The following LRBA variants were observed in gnomAD, a reference collection of about 807,000 sequenced individuals.
LRBA encodes the protein lipopolysaccharide-responsive and beige-like anchor protein.
A neutral mutation model predicts 330.0 loss-of-function variants in LRBA; 176 were observed. That is an observed-to-expected ratio of 0.53 (90% CI 0.47 to 0.60). The LOEUF (loss-of-function observed/expected upper bound fraction) is 0.60, where lower values mean the gene tolerates loss of function less well. Among genes scored for constraint, LRBA ranks in the 20% least tolerant of loss-of-function variants. The pLI is 0.00. For missense variants in LRBA, 3,259 were observed against 3,444.8 expected (o/e 0.95, Z 1.35); for synonymous variants, 1,230 against 1,193.0 (o/e 1.03, Z -0.64).
chr4:150,332,957 G>T (rs977443826), intron 48 of LRBA, among the ~76,000 whole-genome samples: 1 of 152,088 alleles, frequency 6.6e-6, no homozygotes, highest in Non-Finnish European at 1.5e-5. Context: ...GTTTTTGTGT[G>T]TGCCAACTAT....
rs1471877469 is a variant in LRBA, at chr4:150,373,273, A to AT, written c.7195-23115_7195-23114insA. On this transcript the variant is annotated intron_variant, in intron 47 of 56. Transcript: ENST00000651943. ...TCAAAGAGACTATGAGAAAAAAAAA[A>AT]GAAATGTTTATTGTTGTTCTAGCTG... Among the ~76,000 whole-genome samples the AT allele has an allele frequency of 7.9e-5, 12 of 152,004 alleles. No homozygotes were observed. In the East Asian group the frequency reaches 2.1e-3, roughly 27 times the overall value.
At position 150,583,910 on chromosome 4, in the gene LRBA, C is replaced by A. The variant is rs2126402910; in HGVS notation, c.6330+4138G>T. On this transcript the variant is annotated intron_variant, in intron 40 of 56. Coordinates refer to ENST00000651943, the MANE Select transcript of LRBA (RefSeq NM_001364905.1). This position sits in a 1 kb window ranked among gnomAD's most constrained non-coding sequence, Gnocchi z 9.8. The stretch of plus-strand genomic sequence containing the variant: ...CCACGAGAAACGGACTGGGACGAGT[C>A]GTGCCTGGGCGACCGGCTCAACGGC... 6.2e-7 allele frequency: 1 copy of A among 1,612,608 alleles called. No homozygotes were observed. Among genetic ancestry groups the A allele is most frequent in the Non-Finnish European group, 8.5e-7 (1 of 1,179,242 alleles).
intron 37 of LRBA, among the ~76,000 whole-genome samples, chr4:150,678,664 T>C (rs1374775396): frequency 6.6e-6 from 1 of 152,152 alleles, no homozygotes; most frequent in African/African-American, 2.4e-5. Flanking sequence ...AGGGGATACA[T>C]GGGGAAAATG....
At chr4:150,863,507 C>T (rs1300246287) in intron 22 of LRBA, among the ~76,000 whole-genome samples, 1 of 152,022 alleles carries the variant, frequency 6.6e-6, no homozygotes, top group Admixed American at 6.6e-5. Flanking sequence ...ACTAAAAATA[C>T]AAAAATTAGC....
chr4:150,305,869 A>T (rs1470730805), intron 52 of LRBA, among the ~76,000 whole-genome samples: 1 of 152,186 alleles, frequency 6.6e-6, no homozygotes, highest in Non-Finnish European at 1.5e-5. Flanking sequence ...CACTCCTCCT[A>T]AATAAATCAC....
chr4:150,654,481 GC>G (rs1779988628), intron 37 of LRBA, among the ~76,000 whole-genome samples: 1 of 152,134 alleles, frequency 6.6e-6, no homozygotes, highest in Admixed American at 6.5e-5. Context: ...GAGGCACTGT[GC>G]CCAGTCAAGA....
intron 37 of LRBA, among the ~76,000 whole-genome samples, chr4:150,638,182 C>A (rs1444715650): frequency 6.6e-6 from 1 of 151,494 alleles, no homozygotes; most frequent in African/African-American, 2.4e-5. Context: ...CAGGCAAGCA[C>A]CGCTATGCCT....
intron 36 of LRBA, among the ~76,000 whole-genome samples, chr4:150,727,637 A>G (rs1729881194): frequency 6.6e-6 from 1 of 152,194 alleles, no homozygotes; most frequent in Non-Finnish European, 1.5e-5. Context: ...GAAGAAATTA[A>G]GAATAAAATT....
At chr4:150,592,143 G>GTTTTT (rs1772931067) in intron 38 of LRBA, among the ~76,000 whole-genome samples, 1 of 56,674 alleles carries the variant, frequency 1.8e-5, no homozygotes, top group African/African-American at 5.1e-5. Flanking sequence ...GGATGGCTAG[G>GTTTTT]GTTTTTTTTT....
intron 46 of LRBA, among the ~76,000 whole-genome samples, chr4:150,430,475 A>C (rs1050037425): frequency 6.6e-6 from 1 of 152,128 alleles, no homozygotes; most frequent in African/African-American, 2.4e-5. Flanking sequence ...CAGACGCTGT[A>C]TCCATGAGCC....
chr4:150,292,403 A>G (rs1345722332), intron 53 of LRBA, among the ~76,000 whole-genome samples: 2 of 152,232 alleles, frequency 1.3e-5, no homozygotes, highest in African/African-American at 4.8e-5. Context: ...GAAATGCAGT[A>G]TAACGTTTTC....
At chr4:150,843,357 ACAGT>A (rs887553458) in intron 28 of LRBA, among the ~76,000 whole-genome samples, 51 of 152,344 alleles carry the variant, frequency 3.3e-4, no homozygotes, top group African/African-American at 1.2e-3. Context: ...TGTAAAACAT[ACAGT>A]AAGTGTTCAA....
At chr4:150,620,849 T>C (rs1241565744) in intron 37 of LRBA, among the ~76,000 whole-genome samples, 1 of 152,168 alleles carries the variant, frequency 6.6e-6, no homozygotes, top group Non-Finnish European at 1.5e-5. Flanking sequence ...ACCTCCATAT[T>C]GGGTACAATG....
chr4:150,494,629 T>C (rs1759354740), intron 40 of LRBA, among the ~76,000 whole-genome samples: 1 of 152,234 alleles, frequency 6.6e-6, no homozygotes, highest in African/African-American at 2.4e-5. Flanking sequence ...AACAGTATGG[T>C]TATTCAAAGA....
chr4:151,014,655 A>G lies in LRBA; in HGVS notation c.-13T>C, dbSNP rs1167726996. ...CTTCGCTAGCCATTGCTAGCTCACG[A>G]TAAAGGACAACTCAGAGTCACCCTG... On this transcript the variant is annotated 5_prime_UTR_variant, in exon 2 of 57. Coordinates refer to ENST00000651943, the MANE Select transcript of LRBA (RefSeq NM_001364905.1). The G allele has an allele frequency of 6.3e-7, 1 of 1,575,604 alleles. No homozygotes were observed. Among genetic ancestry groups the G allele is most frequent in the African/African-American group, 1.3e-5 (1 of 74,520 alleles).
At chr4:150,969,638 C>CT (rs1283181048) in intron 2 of LRBA, among the ~76,000 whole-genome samples, 1 of 152,054 alleles carries the variant, frequency 6.6e-6, no homozygotes, top group African/African-American at 2.4e-5. Context: ...CAGCTAATTT[C>CT]TTTTTATTTT....
At chr4:150,762,202 T>C (rs1190696538) in intron 34 of LRBA, among the ~76,000 whole-genome samples, 4 of 152,054 alleles carry the variant, frequency 2.6e-5, no homozygotes, top group Non-Finnish European at 5.9e-5. Context: ...TATTTTAAGA[T>C]GTATTACCCA....
chr4:150,783,332 G>A (rs113116610), intron 34 of LRBA, among the ~76,000 whole-genome samples: 31 of 152,016 alleles, frequency 2.0e-4, no homozygotes, highest in Admixed American at 2.6e-4. Flanking sequence ...GGATAATAGC[G>A]TACCGTTCCA....
At chr4:150,836,012 C>T (rs539886588) in intron 28 of LRBA, among the ~76,000 whole-genome samples, 14 of 152,136 alleles carry the variant, frequency 9.2e-5, no homozygotes, top group African/African-American at 1.2e-4. Context: ...TAGCATGAAG[C>T]GCTGTTGAAT....
Sources: gnomAD v4.1 joint callset for allele counts (sites outside exome capture counted in the v4.1 genomes callset) on GRCh38, gnomAD v4.1.1 for gene constraint, Gnocchi (gnomAD v3.1) non-coding constraint, MANE v1.5 for transcripts, NCBI Gene and HGNC (gene_info 2026-07-23, HGNC 2026-07-21) for gene names.